FLRT2: variants seen among roughly 807,000 people sequenced by gnomAD.
The protein encoded by FLRT2 is leucine-rich repeat transmembrane protein FLRT2.
FLRT2 carries 15 observed loss-of-function variants against 40.0 expected under a neutral mutation model. The observed-to-expected ratio is 0.38, with a 90% CI of 0.25 to 0.58. The LOEUF (loss-of-function observed/expected upper bound fraction) is 0.58, where lower values mean the gene tolerates loss of function less well. Among genes scored for constraint, FLRT2 ranks in the 20% least tolerant of loss-of-function variants. The pLI is 0.71. For synonymous variants in FLRT2, 380 were observed against 336.8 expected (o/e 1.13, Z -1.41); for missense variants, 726 against 840.0 (o/e 0.86, Z 1.68).
chr14:85,543,193 GAT>G, intron 1 of FLRT2, among the ~76,000 whole-genome samples: 1 of 152,150 alleles, frequency 6.6e-6, no homozygotes, highest in Non-Finnish European at 1.5e-5. Context: ...TTAAGTCTGT[GAT>G]GAAACCTGGG....
chr14:85,567,490 G>A (rs79953687), intron 1 of FLRT2, among the ~76,000 whole-genome samples: 136 of 152,202 alleles, frequency 8.9e-4, no homozygotes, highest in African/African-American at 2.9e-3. Flanking sequence ...CTTCAGGAGC[G>A]TAAGTTTCTG....
Position 85,621,411 on chromosome 14 carries a change from C to G in FLRT2, c.-104C>G, listed in dbSNP as rs1566761205. ...CAGGACGTTCCCTCTAGCTGGAGTT[C>G]TGGACTTCAACAGAACCCCATCCAG... On this transcript the variant is annotated 5_prime_UTR_variant, in exon 2 of 2. Transcript: ENST00000330753. 2 of 1,078,304 alleles carry G rather than the reference C, an allele frequency of 1.9e-6. No individual in the cohort carries two copies. The highest frequency in any genetic ancestry group is 5.0e-5 in the East Asian group (2 of 39,854). The allele number at this position is 1,078,304 out of a possible 1,614,324, so 66.8% of individuals were successfully genotyped here.
At chr14:85,571,145 A>G (rs1890874791) in intron 1 of FLRT2, among the ~76,000 whole-genome samples, 1 of 152,136 alleles carries the variant, frequency 6.6e-6, no homozygotes, top group South Asian at 2.1e-4. Flanking sequence ...TTCAATGGAT[A>G]TACTTTACTT....
rs1463096999 is a variant in FLRT2 at position 85,649,917 on chromosome 14, T to C, written c.*26420T>C. ...GTGATTATAAAGTTTGTTGCTATAG[T>C]ATTTCATTATTTTTTATTAGAAAAT... On this transcript the variant is annotated 3_prime_UTR_variant, in exon 2 of 2. Transcript: ENST00000330753. 1 of 152,080 alleles carries C rather than the reference T, an allele frequency of 6.6e-6. No homozygotes were observed. Among genetic ancestry groups the C allele is most frequent in the Non-Finnish European group, 1.5e-5 (1 of 67,966 alleles). The allele number at this position is 152,080 out of a possible 1,614,324, so 9.4% of individuals were successfully genotyped here. A position where few individuals can be genotyped will look rare whatever the true frequency, so the allele number is the denominator to read the frequency against.
rs1198903478 is a variant in FLRT2 at position 85,654,215 on chromosome 14, T to A, written c.*30718T>A. 6.6e-6 allele frequency: 1 copy of A among 152,188 alleles called. No individual in the cohort carries two copies. The allele number at this position is 152,188 out of a possible 1,614,324, so 9.4% of individuals were successfully genotyped here. ...ATTTGTTTATGACTAACAGCATGGA[T>A]TTGAGACAGTTATGAAAATGCCATG... is the stretch of plus-strand genomic sequence containing the variant. On this transcript the variant is annotated 3_prime_UTR_variant, in exon 2 of 2. Coordinates refer to ENST00000330753, the MANE Select transcript of FLRT2 (RefSeq NM_013231.6).
At chr14:85,613,698 A>G (rs1338853072) in intron 1 of FLRT2, among the ~76,000 whole-genome samples, 5 of 152,094 alleles carry the variant, frequency 3.3e-5, no homozygotes, top group Non-Finnish European at 7.4e-5. Flanking sequence ...GGCTCTGGGG[A>G]AATAACGGTG....
In FLRT2 at chr14:85,649,196, T is replaced by C. The variant is rs986685850; in HGVS notation, c.*25699T>C. ...AATTTACAAACTATTAATTTTCTTT[T>C]CTACAGTTTCCTCCAGAAAGCCCCT... is the stretch of plus-strand genomic sequence containing the variant. On this transcript the variant is annotated 3_prime_UTR_variant, in exon 2 of 2. Transcript: ENST00000330753. The C allele has an allele frequency of 1.3e-5, 2 of 151,580 alleles. No homozygotes were observed. Among genetic ancestry groups the C allele is most frequent in the African/African-American group, 4.9e-5 (2 of 41,198 alleles). 9.4% of individuals were successfully genotyped at this position (151,580 alleles called of 1,614,324 possible). A position where few individuals can be genotyped will look rare whatever the true frequency, so the allele number is the denominator to read the frequency against.
At chr14:85,593,275 A>G (rs145957219) in intron 1 of FLRT2, among the ~76,000 whole-genome samples, 2 of 152,288 alleles carry the variant, frequency 1.3e-5, no homozygotes, top group African/African-American at 4.8e-5. Context: ...CTTTTCCTAA[A>G]ATTTTCAGAT....
intron 1 of FLRT2, among the ~76,000 whole-genome samples, chr14:85,535,357 A>ACC (rs1566713614): frequency 2.6e-3 from 234 of 88,724 alleles, no homozygotes; most frequent in Middle Eastern, 6.3e-3. Flanking sequence ...CCCCCCCCAA[A>ACC]AAAAAAAAAC....
chr14:85,619,457 C>T (rs753970264), intron 1 of FLRT2, among the ~76,000 whole-genome samples: 19 of 152,106 alleles, frequency 1.2e-4, no homozygotes, highest in Non-Finnish European at 2.6e-4. Flanking sequence ...TCCCCTCCCA[C>T]CCACCTTATA....
chr14:85,581,937 CT>C (rs1453637785), intron 1 of FLRT2, among the ~76,000 whole-genome samples: 1 of 152,164 alleles, frequency 6.6e-6, no homozygotes, highest in Non-Finnish European at 1.5e-5. Flanking sequence ...CTTACTTAGC[CT>C]TTGAAAGGAT....
chr14:85,621,192 C>A lies in FLRT2; in HGVS notation c.-323C>A. 1 of 359,668 alleles carries A rather than the reference C, an allele frequency of 2.8e-6. No individual in the cohort carries two copies. The highest frequency in any genetic ancestry group is 6.2e-5 in the South Asian group (1 of 16,054). 22.3% of individuals were successfully genotyped at this position (359,668 alleles called of 1,614,324 possible). On this transcript the variant is annotated 5_prime_UTR_variant, in exon 2 of 2. Coordinates refer to ENST00000330753, the MANE Select transcript of FLRT2 (RefSeq NM_013231.6). ...CGTAGGCTAATCAAGGCTGGCTTGA[C>A]CTACAAAAGAAGAAGAGAGTTCTGC...
rs905013528 is a variant in FLRT2 at position 85,640,814 on chromosome 14, T to G, written c.*17317T>G. Reference sequence around the variant, plus strand: ...CCTCCTATTCACTCTCTTAATAGCTTGAGAGAATTGTACACAAACGTTTCT... The same window carrying G: ...CCTCCTATTCACTCTCTTAATAGCTGGAGAGAATTGTACACAAACGTTTCT... On this transcript the variant is annotated 3_prime_UTR_variant, in exon 2 of 2. Coordinates refer to ENST00000330753, the MANE Select transcript of FLRT2 (RefSeq NM_013231.6). 2.0e-5 allele frequency: 3 copies of G among 152,162 alleles called. No individual in the cohort carries two copies. Among genetic ancestry groups the G allele is most frequent in the African/African-American group, 7.2e-5 (3 of 41,424 alleles). 9.4% of individuals were successfully genotyped at this position (152,162 alleles called of 1,614,324 possible).
rs186022595 is a variant in FLRT2, at chr14:85,611,086, G to C, written c.-376-10053G>C. Among the ~76,000 whole-genome samples the C allele has an allele frequency of 1.4e-3, 219 of 152,234 alleles. 1 individual carries two copies. The highest frequency in any genetic ancestry group is 5.1e-3 in the African/African-American group (212 of 41,532). On this transcript the variant is annotated intron_variant, in intron 1 of 1. Transcript: ENST00000330753. ...AGTTTTTGTATTTTTAGTAGAGACAGGGTTTCACCATGTTGGCCAGGCTGG... is the reference window on the plus strand; with the variant it reads ...AGTTTTTGTATTTTTAGTAGAGACACGGTTTCACCATGTTGGCCAGGCTGG...
chr14:85,643,730 T>C lies in FLRT2; in HGVS notation c.*20233T>C, dbSNP rs1179349159. 1 of 152,192 alleles carries C rather than the reference T, an allele frequency of 6.6e-6. No homozygotes were observed. The highest frequency in any genetic ancestry group is 1.5e-5 in the Non-Finnish European group (1 of 68,058). The allele number at this position is 152,192 out of a possible 1,614,324, so 9.4% of individuals were successfully genotyped here. ...TTTAAGGCATTTATTAATGCATTGA[T>C]GAGGACTCTCCTCTTTTAGATAGAG... On this transcript the variant is annotated 3_prime_UTR_variant, in exon 2 of 2. Transcript: ENST00000330753.
intron 1 of FLRT2, among the ~76,000 whole-genome samples, chr14:85,606,907 A>C (rs58484585): frequency 0.057 from 8,040 of 140,718 alleles, 779 homozygotes; most frequent in African/African-American, 0.2. Flanking sequence ...CTTCCCCCAC[A>C]CCCCCTGCCA....
rs897509569 is a variant in FLRT2, at chr14:85,624,168, G to A, written c.*671G>A. On this transcript the variant is annotated 3_prime_UTR_variant, in exon 2 of 2. Coordinates refer to ENST00000330753, the MANE Select transcript of FLRT2 (RefSeq NM_013231.6). Reference sequence around the variant, plus strand: ...AATGCAGGGGTTGGCTTTCTGACTGGGAACTTAAAAATCACTCTTCATGCT... The same window carrying A: ...AATGCAGGGGTTGGCTTTCTGACTGAGAACTTAAAAATCACTCTTCATGCT... 3.0e-5 allele frequency: 5 copies of A among 166,894 alleles called. No individual in the cohort carries two copies. The highest frequency in any genetic ancestry group is 1.2e-4 in the African/African-American group (5 of 41,414). The allele number at this position is 166,894 out of a possible 1,614,324, so 10.3% of individuals were successfully genotyped here. A position where few individuals can be genotyped will look rare whatever the true frequency, so the allele number is the denominator to read the frequency against.
chr14:85,576,533 T>A (rs1341344068), intron 1 of FLRT2, among the ~76,000 whole-genome samples: 1 of 152,226 alleles, frequency 6.6e-6, no homozygotes, highest in Non-Finnish European at 1.5e-5. Context: ...CTTCTTCTCC[T>A]CCTTTGAAAA....
At chr14:85,588,887 C>T (rs1456399956) in intron 1 of FLRT2, among the ~76,000 whole-genome samples, 1 of 152,104 alleles carries the variant, frequency 6.6e-6, no homozygotes, top group Non-Finnish European at 1.5e-5. Flanking sequence ...TCTTTCTGTG[C>T]CTGCTTTATT....
Sources: allele counts gnomAD v4.1 joint callset (sites outside exome capture counted in the v4.1 genomes callset), GRCh38; gene constraint gnomAD v4.1.1; transcripts MANE v1.5; gene names NCBI Gene and HGNC (gene_info 2026-07-23, HGNC 2026-07-21).